COL6A5: variants seen among roughly 807,000 people sequenced by gnomAD.
COL6A5 encodes the protein collagen type VI alpha 5 chain.
In COL6A5, 48 loss-of-function variants were observed where a neutral mutation model predicts 65.6. The ratio of observed to expected loss-of-function variants is 0.73; its 90% CI spans 0.58 to 0.93. The LOEUF (loss-of-function observed/expected upper bound fraction) is 0.93. Ranked by LOEUF, COL6A5 falls within the 40% of genes least tolerant of loss-of-function variation. The pLI is 0.00. For missense variants in COL6A5, 914 were observed against 928.3 expected (o/e 0.98, Z 0.20); for synonymous variants, 291 against 322.8 (o/e 0.90, Z 1.05).
At chr3:130,434,710 T>G (rs899519286) in intron 1 of COL6A5, among the ~76,000 whole-genome samples, 7 of 152,242 alleles carry the variant, frequency 4.6e-5, no homozygotes, top group Non-Finnish European at 8.8e-5. Context: ...TCTTTTCATA[T>G]GTTTCTTAGC....
At chr3:130,377,008 A>T (rs749321964) in intron 3 of COL6A5, among the ~76,000 whole-genome samples, 172 bp downstream of exon 3, 1 of 152,088 alleles carries the variant, frequency 6.6e-6, no homozygotes, top group Non-Finnish European at 1.5e-5. Flanking sequence ...ATTTTTTCTG[A>T]CAAGAGCTCT....
At chr3:130,354,772 C>CTT (rs1934861988) in intron 1 of COL6A5, among the ~76,000 whole-genome samples, 2 of 152,224 alleles carry the variant, frequency 1.3e-5, no homozygotes, top group Non-Finnish European at 2.9e-5. Context: ...AGGCCATGGG[C>CTT]TAAGGACCTG....
At chr3:130,404,898 G>A (rs917239225) in intron 13 of COL6A5, among the ~76,000 whole-genome samples, 6 of 152,196 alleles carry the variant, frequency 3.9e-5, no homozygotes, top group Admixed American at 6.5e-5. Context: ...CAAGGGACAC[G>A]ATGGTGAAAG....
chr3:130,441,857 A>G (rs757312258), intron 3 of COL6A5, among the ~76,000 whole-genome samples: 20 of 152,180 alleles, frequency 1.3e-4, no homozygotes, highest in Admixed American at 2.6e-4. Flanking sequence ...CTTCTCCATA[A>G]TATCCCACAG....
chr3:130,474,695 G>C (rs1710044144), intron 7 of COL6A5, among the ~76,000 whole-genome samples: 1 of 151,968 alleles, frequency 6.6e-6, no homozygotes, highest in South Asian at 2.1e-4. Context: ...TAATAGCAGA[G>C]TGATGATGAG....
intron 5 of COL6A5, among the ~76,000 whole-genome samples, chr3:130,460,927 G>A (rs1709689102): frequency 6.6e-6 from 1 of 151,928 alleles, no homozygotes; most frequent in Non-Finnish European, 1.5e-5. Context: ...GAGAGTGGTG[G>A]TGGTGGTGAT....
rs1482432265 is a variant in COL6A5, at chr3:130,423,796, G to A, written c.5101-42G>A. 4.2e-6 allele frequency: 6 copies of A among 1,440,314 alleles called. No individual in the cohort carries two copies. In the Admixed American group the frequency reaches 8.0e-5, roughly 19 times the overall value. 89.2% of individuals were successfully genotyped at this position (1,440,314 alleles called of 1,614,324 possible). A position where few individuals can be genotyped will look rare whatever the true frequency, so the allele number is the denominator to read the frequency against. The stretch of plus-strand genomic sequence containing the variant: ...GAAACTGAAGTAGTCCCCATAGATA[G>A]ACAGTGTTGAAACTAATGTATTAAT... On this transcript the variant is annotated intron_variant and NMD_transcript_variant, in intron 28 of 41. Coordinates refer to the COL6A5 transcript ENST00000312481.
At chr3:130,475,629 C>T (rs1420271033) in intron 7 of COL6A5, among the ~76,000 whole-genome samples, 8 of 152,062 alleles carry the variant, frequency 5.3e-5, no homozygotes, top group Admixed American at 1.3e-4. Context: ...AAATATGTGA[C>T]AGCCAGGGAG....
At chr3:130,380,423 CTCTT>C (rs762445466) in intron 4 of COL6A5, among the ~76,000 whole-genome samples, 3 of 152,074 alleles carry the variant, frequency 2.0e-5, no homozygotes, top group African/African-American at 4.8e-5. Context: ...CTGTCCCTCT[CTCTT>C]TCTCTTCCTC....
intron 20 of COL6A5, among the ~76,000 whole-genome samples, 166 bp from the exon 21 acceptor site, chr3:130,413,375 CTAAT>C (rs1937236957): frequency 6.6e-6 from 1 of 151,840 alleles, no homozygotes; most frequent in Admixed American, 6.6e-5. Context: ...ATGTTAGTCT[CTAAT>C]TAAGTGCCCA....
At chr3:130,366,975 G>C (rs1013228175) in intron 1 of COL6A5, among the ~76,000 whole-genome samples, 5 of 152,090 alleles carry the variant, frequency 3.3e-5, no homozygotes, top group East Asian at 1.9e-4. Flanking sequence ...CACTGTCCTG[G>C]CTCCCCAAAT....
intron 23 of COL6A5, 73 bp from the exon 24 acceptor site, chr3:130,416,684 A>G: frequency 1.2e-6 from 1 of 853,688 alleles, no homozygotes; most frequent in Non-Finnish European, 1.9e-6. Context: ...CATGAAGGAA[A>G]GTGAAATGTT....
At chr3:130,431,734 C>T in exon 1 of COL6A5, 2 of 1,551,556 alleles carry the variant, frequency 1.3e-6, no homozygotes, top group Non-Finnish European at 1.7e-6. Flanking sequence ...CACCACAGAG[C>T]CCCGAGATGT....
At chr3:130,469,386 C>T in exon 6 of COL6A5, 1 of 1,612,966 alleles carries the variant, frequency 6.2e-7, no homozygotes, top group Non-Finnish European at 8.5e-7. Context: ...GCCAGCCACC[C>T]TCTGGATCAT....
At chr3:130,380,986 C>A (rs1249247710) in intron 4 of COL6A5, among the ~76,000 whole-genome samples, 2 of 152,162 alleles carry the variant, frequency 1.3e-5, no homozygotes, top group African/African-American at 4.8e-5. Context: ...ATAATGGCTC[C>A]AGGCATCACC....
intron 6 of COL6A5, among the ~76,000 whole-genome samples, chr3:130,470,556 T>TAAAAAAAAAAA: frequency 6.6e-6 from 1 of 151,970 alleles, no homozygotes; most frequent in African/African-American, 2.4e-5. Context: ...AAACATTTTT[T>TAAAAAAAAAAA]AAAAAATAGT....
At chr3:130,482,444 G>A (rs1710274788) in intron 7 of COL6A5, among the ~76,000 whole-genome samples, 1 of 152,166 alleles carries the variant, frequency 6.6e-6, no homozygotes, top group Non-Finnish European at 1.5e-5. Context: ...TTTGGTTACT[G>A]TAGCCTTGTA....
At chr3:130,429,673 G>T, upstream of COL6A5, 1 of 1,097,932 alleles carries the variant, frequency 9.1e-7, no homozygotes, top group Non-Finnish European at 1.3e-6. Flanking sequence ...CAACTCCGTG[G>T]GAAACAGGAC....
exon 6 of COL6A5, chr3:130,468,855 C>G (rs1318666489): frequency 1.2e-6 from 2 of 1,611,572 alleles, no homozygotes; most frequent in East Asian, 2.2e-5. Context: ...GGAGATGTCT[C>G]TCTTCAAGAA....
Sources: gnomAD v4.1 joint callset for allele counts (sites outside exome capture counted in the v4.1 genomes callset) on GRCh38, gnomAD v4.1.1 for gene constraint, MANE v1.5 for transcripts, NCBI Gene and HGNC (gene_info 2026-07-23, HGNC 2026-07-21) for gene names.